CELF5: variants seen among roughly 807,000 people sequenced by gnomAD.
CELF5 encodes the protein CUG-BP and ETR-3 like factor 5.
CELF5 carries 6 observed loss-of-function variants against 54.9 expected under a neutral mutation model. That is an observed-to-expected ratio of 0.11 (90% CI 0.06 to 0.22). The LOEUF (loss-of-function observed/expected upper bound fraction) is 0.22, where lower values mean the gene tolerates loss of function less well. Ranked by LOEUF, CELF5 falls within the 10% of genes least tolerant of loss-of-function variation. The probability of loss-of-function intolerance (pLI) is 1.00; values close to 1 mark genes in which losing one functional copy is unlikely to be tolerated. For missense variants in CELF5, 401 were observed against 678.6 expected (o/e 0.59, Z 4.54); for synonymous variants, 271 against 290.9 (o/e 0.93, Z 0.70).
At chr19:3,266,437 A>G (rs527973884) in intron 2 of CELF5, among the ~76,000 whole-genome samples, 1 of 150,334 alleles carries the variant, frequency 6.7e-6, no homozygotes, top group East Asian at 1.9e-4. Context: ...AAAAAAAAAA[A>G]AGAAGAAGAA....
chr19:3,225,816 G>A lies in CELF5; in HGVS notation c.259+818G>A, dbSNP rs59268131. 7.1e-3 allele frequency among the ~76,000 whole-genome samples: 1,062 copies of A among 149,006 alleles called. 13 individuals carry two copies. Among genetic ancestry groups the A allele is most frequent in the African/African-American group, 0.025 (1,017 of 40,484 alleles). On this transcript the variant is annotated intron_variant, in intron 1 of 12. Transcript: ENST00000292672. Reference sequence around the variant, plus strand: ...CCTTGGGCTCAAGTTGAAACTGGCCGAGCCTCTTAGCAATGTGTTGGGGTC... The same window carrying A: ...CCTTGGGCTCAAGTTGAAACTGGCCAAGCCTCTTAGCAATGTGTTGGGGTC...
At chr19:3,226,936 T>A (rs1916956585) in intron 1 of CELF5, among the ~76,000 whole-genome samples, 1 of 151,880 alleles carries the variant, frequency 6.6e-6, no homozygotes, top group Non-Finnish European at 1.5e-5. Context: ...TTTTACAGGT[T>A]GGAGAATGTT....
intron 10 of CELF5, among the ~76,000 whole-genome samples, chr19:3,287,659 A>G (rs12977984): frequency 0.51 from 77,100 of 151,194 alleles, 21,710 homozygotes; most frequent in Middle Eastern, 0.68. Flanking sequence ...AGGCCACGGC[A>G]GGAGGGTCAC....
chr19:3,271,349 C>A (rs902750355), intron 2 of CELF5, among the ~76,000 whole-genome samples: 1 of 152,096 alleles, frequency 6.6e-6, no homozygotes, highest in Non-Finnish European at 1.5e-5. Context: ...GTGTGGTACC[C>A]AGGTGGAAAG....
chr19:3,250,844 T>C, intron 1 of CELF5, 141 bp from the exon 2 acceptor site: 2 of 635,772 alleles, frequency 3.1e-6, no homozygotes, highest in Non-Finnish European at 5.7e-6. Context: ...TTCCGTTGCG[T>C]GGATGCACCA....
intron 11 of CELF5, among the ~76,000 whole-genome samples, chr19:3,292,860 C>T (rs2080374449): frequency 6.6e-6 from 1 of 152,098 alleles, no homozygotes; most frequent in South Asian, 2.1e-4. Flanking sequence ...TGCGCCACTG[C>T]ACTCCAGCCT....
chr19:3,256,317 C>G (rs563499769), intron 2 of CELF5, among the ~76,000 whole-genome samples: 1 of 152,150 alleles, frequency 6.6e-6, no homozygotes, highest in Non-Finnish European at 1.5e-5. Context: ...CTGGGGGTGT[C>G]TGTGTCTGGC....
chr19:3,226,143 T>G (rs1314849414), intron 1 of CELF5, among the ~76,000 whole-genome samples: 1 of 152,018 alleles, frequency 6.6e-6, no homozygotes. Context: ...CCCCCTCCCA[T>G]CCTCCAGGAA....
intron 11 of CELF5, 80 bp downstream of exon 11, chr19:3,290,454 GCCTC>G: frequency 6.6e-7 from 1 of 1,517,768 alleles, no homozygotes; most frequent in Non-Finnish European, 9.1e-7. Context: ...GTTTTGGTCG[GCCTC>G]GGGACAGGGC....
chr19:3,243,351 C>G (rs1321220940), intron 1 of CELF5, among the ~76,000 whole-genome samples: 6 of 152,064 alleles, frequency 3.9e-5, no homozygotes, highest in Admixed American at 3.9e-4. Flanking sequence ...CACAATCATG[C>G]CTCACTGCAG....
intron 1 of CELF5, among the ~76,000 whole-genome samples, chr19:3,246,790 C>A (rs1358035211): frequency 6.6e-6 from 1 of 152,116 alleles, no homozygotes; most frequent in Non-Finnish European, 1.5e-5. Flanking sequence ...ATCCCAATGC[C>A]CACCCATGGG....
chr19:3,285,004 C>A, intron 9 of CELF5, 40 bp downstream of exon 9: 2 of 1,512,868 alleles, frequency 1.3e-6, no homozygotes, highest in Non-Finnish European at 1.8e-6. Flanking sequence ...GCCCTGGCCC[C>A]GCCCCCGCCT....
At chr19:3,250,893 G>A (rs1328440526) in intron 1 of CELF5, 92 bp from the exon 2 acceptor site, 8 of 667,302 alleles carry the variant, frequency 1.2e-5, no homozygotes, top group Admixed American at 2.3e-5. Context: ...GGAAGCTTGG[G>A]TTGCTTCCAC....
In CELF5 at chr19:3,281,046, CTGGCTCCTGGGGTGGGGGCCCGTGGACA is replaced by C. The variant is rs1487097129; in HGVS notation, c.604-147_604-120del. Among the ~76,000 whole-genome samples the C allele has an allele frequency of 6.6e-6, 1 of 152,194 alleles. No homozygotes were observed. Among genetic ancestry groups the C allele is most frequent in the East Asian group, 1.9e-4 (1 of 5,184 alleles). Reference sequence around the variant, plus strand: ...TCTCCACGCGGTCCTCGCTGTGGCCCTGGCTCCTGGGGTGGGGGCCCGTGGACATGGCTGACAGCCACTGGCATTACAC... The same window carrying C: ...TCTCCACGCGGTCCTCGCTGTGGCCCTGGCTGACAGCCACTGGCATTACAC... On this transcript the variant is annotated intron_variant, in intron 5 of 12. Transcript: ENST00000292672. This position sits in a 1 kb window ranked among gnomAD's most constrained non-coding sequence, Gnocchi z 6.5.
intron 2 of CELF5, among the ~76,000 whole-genome samples, chr19:3,253,388 T>A (rs756287942): frequency 1.3e-5 from 2 of 152,162 alleles, no homozygotes; most frequent in Non-Finnish European, 2.9e-5. Flanking sequence ...GAGTTTGTGG[T>A]TGAGGAATCT....
At chr19:3,246,369 C>T (rs997427186) in intron 1 of CELF5, among the ~76,000 whole-genome samples, 3 of 149,726 alleles carry the variant, frequency 2.0e-5, no homozygotes, top group Non-Finnish European at 3.0e-5. Context: ...GTCTCTCTCT[C>T]TCTCTCTCTC....
At chr19:3,246,384 T>G (rs1031633453) in intron 1 of CELF5, among the ~76,000 whole-genome samples, 1 of 142,764 alleles carries the variant, frequency 7.0e-6, no homozygotes, top group African/African-American at 2.6e-5. Context: ...TCTCTCTGGC[T>G]CTCTCTCTCT....
chr19:3,255,831 G>A (rs549215412), intron 2 of CELF5, among the ~76,000 whole-genome samples: 2 of 152,182 alleles, frequency 1.3e-5, no homozygotes, highest in Admixed American at 6.5e-5. Flanking sequence ...TTGGGAGGCC[G>A]AGGCGAGCAG....
intron 1 of CELF5, among the ~76,000 whole-genome samples, chr19:3,242,896 G>A (rs1046484871): frequency 6.6e-6 from 1 of 152,094 alleles, no homozygotes; most frequent in Non-Finnish European, 1.5e-5. Context: ...CCTGGGAGGT[G>A]GAGGTTGCAG....
Sources: allele counts gnomAD v4.1 joint callset (sites outside exome capture counted in the v4.1 genomes callset), GRCh38; gene constraint gnomAD v4.1.1; non-coding constraint Gnocchi (gnomAD v3.1); transcripts MANE v1.5; gene names NCBI Gene and HGNC (gene_info 2026-07-23, HGNC 2026-07-21).